The following SPOP variants were observed in gnomAD, a reference collection of about 807,000 sequenced individuals.
The protein encoded by SPOP is speckle-type POZ protein.
SPOP carries 11 observed loss-of-function variants against 45.6 expected under a neutral mutation model. That is an observed-to-expected ratio of 0.24 (90% CI 0.15 to 0.40). The LOEUF is 0.40. SPOP is among the 10% of genes least tolerant of loss of function. The probability of loss-of-function intolerance (pLI) is 1.00; values close to 1 mark genes in which losing one functional copy is unlikely to be tolerated. For missense variants in SPOP, 152 were observed against 465.6 expected, an observed-to-expected ratio of 0.33 and a Z score of 6.20; for synonymous variants, 166 against 166.3, an observed-to-expected ratio of 1.00 and a Z score of 0.01.
intron 5 of SPOP, among the ~76,000 whole-genome samples, chr17:49,616,801 T>A (rs1260697157): frequency 6.6e-6 from 1 of 152,236 alleles, no homozygotes; most frequent in African/African-American, 2.4e-5. Flanking sequence ...CCTGGTTCGA[T>A]GGTAAGAAAC....
intron 1 of SPOP, among the ~76,000 whole-genome samples, chr17:49,641,229 C>A (rs1348966891): frequency 1.6e-5 from 2 of 123,900 alleles, no homozygotes; most frequent in African/African-American, 6.3e-5. Context: ...CATTACTGCA[C>A]TCCAGCCTGG....
intron 1 of SPOP, among the ~76,000 whole-genome samples, chr17:49,650,519 A>G (rs564157141): frequency 1.3e-5 from 2 of 152,214 alleles, no homozygotes; most frequent in African/African-American, 4.8e-5. Context: ...GGTGGAGGTT[A>G]CAGTGAGCCA....
At chr17:49,650,167 A>C (rs2072822755) in intron 1 of SPOP, among the ~76,000 whole-genome samples, 1 of 152,086 alleles carries the variant, frequency 6.6e-6, no homozygotes, top group African/African-American at 2.4e-5. Context: ...CTTGGATTAC[A>C]GGTGTGAGCT....
intron 2 of SPOP, 118 bp from the exon 3 acceptor site, chr17:49,622,185 C>T (rs1237094574): frequency 1.5e-6 from 2 of 1,353,724 alleles, no homozygotes; most frequent in Non-Finnish European, 1.0e-6. Flanking sequence ...AGGAAGATAG[C>T]AGTTTTCAGG....
chr17:49,648,808 G>T (rs1463069713), intron 1 of SPOP, among the ~76,000 whole-genome samples: 1 of 152,212 alleles, frequency 6.6e-6, no homozygotes, highest in Non-Finnish European at 1.5e-5. Flanking sequence ...GCCCAGACTG[G>T]AGTGCAGTGG....
rs3898614 is a variant in SPOP at position 49,653,210 on chromosome 17, T to A, written c.-67+24723A>T. ...ACACTGTTAAAATTGTATCTACTTT[T>A]CTTCATATATGCATTTTATTTTAAA... On this transcript the variant is annotated intron_variant, in intron 1 of 9. Transcript: ENST00000504102. 6.7e-3 allele frequency among the ~76,000 whole-genome samples: 1,016 copies of A among 152,280 alleles called. 3 individuals carry two copies. Among genetic ancestry groups the A allele is most frequent in the African/African-American group, 0.023 (940 of 41,568 alleles).
intron 1 of SPOP, among the ~76,000 whole-genome samples, chr17:49,634,945 C>T (rs1192417798): frequency 6.6e-6 from 1 of 152,202 alleles, no homozygotes; most frequent in African/African-American, 2.4e-5. Context: ...TTAACTATTA[C>T]TATCCAGCAG....
chr17:49,649,700 G>A (rs1393069548), intron 1 of SPOP, among the ~76,000 whole-genome samples: 1 of 148,400 alleles, frequency 6.7e-6, no homozygotes, highest in Non-Finnish European at 1.5e-5. Flanking sequence ...ATGGTGGCAG[G>A]CGCCTGTAGT....
chr17:49,664,984 G>A (rs2073034342), intron 1 of SPOP, among the ~76,000 whole-genome samples: 2 of 151,864 alleles, frequency 1.3e-5, no homozygotes, highest in Admixed American at 6.6e-5. Context: ...CCCTGCATGT[G>A]GCATCAGAAA....
chr17:49,618,444 GCTAA>G (rs764480322), intron 5 of SPOP: 5 of 419,580 alleles, frequency 1.2e-5, no homozygotes, highest in Non-Finnish European at 2.3e-5. Flanking sequence ...AACTCTGTGA[GCTAA>G]CTGTGAGTTA....
chr17:49,624,200 T>G (rs952549052), intron 1 of SPOP, among the ~76,000 whole-genome samples: 10 of 152,072 alleles, frequency 6.6e-5, no homozygotes, highest in Non-Finnish European at 1.5e-5. Flanking sequence ...GTAGGATGAA[T>G]TCATCTAGAG....
intron 1 of SPOP, among the ~76,000 whole-genome samples, chr17:49,657,174 C>T (rs897398934): frequency 4.0e-5 from 6 of 149,376 alleles, no homozygotes; most frequent in African/African-American, 1.5e-4. Flanking sequence ...CCAGCCTGGG[C>T]GACAGAGCAA....
At chr17:49,616,475 T>G (rs2072088877) in intron 5 of SPOP, among the ~76,000 whole-genome samples, 1 of 152,090 alleles carries the variant, frequency 6.6e-6, no homozygotes, top group Non-Finnish European at 1.5e-5. Context: ...ACAAACAAAA[T>G]GTAAATATGA....
intron 1 of SPOP, among the ~76,000 whole-genome samples, chr17:49,627,242 A>AT (rs1452324651): frequency 6.6e-6 from 1 of 152,228 alleles, no homozygotes; most frequent in Non-Finnish European, 1.5e-5. Flanking sequence ...CTGCAGTGGC[A>AT]TTTGGGCCTC....
At chr17:49,640,127 C>A (rs1178580182) in intron 1 of SPOP, among the ~76,000 whole-genome samples, 1 of 151,968 alleles carries the variant, frequency 6.6e-6, no homozygotes, top group Non-Finnish European at 1.5e-5. Flanking sequence ...GTGGCGCACA[C>A]CTGTAATCCC....
At chr17:49,627,837 C>A (rs1000637767) in intron 1 of SPOP, among the ~76,000 whole-genome samples, 14 of 152,114 alleles carry the variant, frequency 9.2e-5, no homozygotes, top group Admixed American at 3.3e-4. Flanking sequence ...TTTTAAAAAT[C>A]TCTAACCTCA....
At position 49,607,381 on chromosome 17, in the gene SPOP, G is replaced by A; in HGVS notation, c.715-9C>T. On this transcript the variant is annotated splice_polypyrimidine_tract_variant and intron_variant, in intron 7 of 9. Transcript: ENST00000504102. ...TTGATTTCAACTCGATTCTATGCCA[G>A]AAAAACTGAATATGAGAAACATTCC... is the stretch of plus-strand genomic sequence containing the variant. 1 of 1,608,644 alleles carries A rather than the reference G, an allele frequency of 6.2e-7. No individual in the cohort carries two copies. Among genetic ancestry groups the A allele is most frequent in the Middle Eastern group, 1.7e-4 (1 of 6,042 alleles).
chr17:49,672,107 T>C (rs2073143576), intron 1 of SPOP, among the ~76,000 whole-genome samples: 1 of 151,976 alleles, frequency 6.6e-6, no homozygotes, highest in Admixed American at 6.6e-5. Flanking sequence ...TCCACTGCAC[T>C]CCAGCCTGGG....
intron 1 of SPOP, among the ~76,000 whole-genome samples, chr17:49,653,429 AAAT>A (rs1209339036): frequency 2.0e-4 from 30 of 152,178 alleles, no homozygotes; most frequent in African/African-American, 7.2e-4. Context: ...TATAAAATAC[AAAT>A]AATATTTTCC....
Sources: allele counts gnomAD v4.1 joint callset (sites outside exome capture counted in the v4.1 genomes callset), GRCh38; gene constraint gnomAD v4.1.1; transcripts MANE v1.5; gene names NCBI Gene and HGNC (gene_info 2026-07-23, HGNC 2026-07-21).